The following ARB2A variants were observed in gnomAD, a reference collection of about 807,000 sequenced individuals.
ARB2A encodes cotranscriptional regulator ARB2A.
At chr5:93,956,215 T>C in the ARB2A span, among the ~76,000 whole-genome samples, 10 of 152,200 alleles carry the variant, frequency 6.6e-5, no homozygotes, top group Non-Finnish European at 1.5e-4. Context: ...AGAATACCTA[T>C]GATTTTCAAA....
chr5:93,628,347 C>G, the ARB2A span, among the ~76,000 whole-genome samples: 10 of 152,102 alleles, frequency 6.6e-5, no homozygotes, highest in African/African-American at 2.2e-4. Flanking sequence ...CAGTGCCCAG[C>G]CGATGCAGCA....
chr5:93,813,249 T>C, the ARB2A span, among the ~76,000 whole-genome samples: 3 of 152,148 alleles, frequency 2.0e-5, no homozygotes, highest in Admixed American at 6.5e-5. Flanking sequence ...GAAAAGGTAA[T>C]CCTTGAGATA....
the ARB2A span, among the ~76,000 whole-genome samples, chr5:93,704,632 G>C: frequency 6.6e-6 from 1 of 152,280 alleles, no homozygotes; most frequent in South Asian, 2.1e-4. Flanking sequence ...TGGCATCACT[G>C]ATTCTCTGCT....
chr5:93,889,908 CA>C, the ARB2A span, among the ~76,000 whole-genome samples: 1 of 151,716 alleles, frequency 6.6e-6, no homozygotes, highest in East Asian at 1.9e-4. Flanking sequence ...TTCAAAGAGA[CA>C]AGATACAGTA....
At chr5:93,852,529 C>T in the ARB2A span, among the ~76,000 whole-genome samples, 2 of 151,910 alleles carry the variant, frequency 1.3e-5, no homozygotes, top group Non-Finnish European at 2.9e-5. Flanking sequence ...AGTCCTTGCC[C>T]ATGCCTATGT....
chr5:93,784,611 G>T, the ARB2A span: 2 of 707,640 alleles, frequency 2.8e-6, no homozygotes, highest in Non-Finnish European at 4.6e-6. Flanking sequence ...AAAGCAATAT[G>T]CATCTCTGGT....
chr5:93,990,680 G>A, the ARB2A span, among the ~76,000 whole-genome samples: 2 of 141,072 alleles, frequency 1.4e-5, no homozygotes, highest in Non-Finnish European at 3.0e-5. Context: ...TTTCAACTCA[G>A]AGTCATAATA....
the ARB2A span, among the ~76,000 whole-genome samples, chr5:93,853,267 T>C: frequency 1.3e-5 from 2 of 152,192 alleles, no homozygotes; most frequent in African/African-American, 4.8e-5. Context: ...TTGTCTGTTA[T>C]TGGTGTATAA....
the ARB2A span, among the ~76,000 whole-genome samples, chr5:93,661,536 C>CAG: frequency 6.6e-6 from 1 of 152,018 alleles, no homozygotes; most frequent in Admixed American, 6.5e-5. Flanking sequence ...ATAGCCTATT[C>CAG]AGAGAGTCAT....
the ARB2A span, among the ~76,000 whole-genome samples, chr5:93,804,030 T>A: frequency 1.3e-5 from 2 of 152,016 alleles, no homozygotes; most frequent in African/African-American, 4.8e-5. Flanking sequence ...ATTACCAGCA[T>A]GAACATACCC....
the ARB2A span, among the ~76,000 whole-genome samples, chr5:93,779,122 T>TGCGC: frequency 2.7e-5 from 4 of 147,268 alleles, no homozygotes; most frequent in African/African-American, 1.0e-4. Flanking sequence ...TGTGTGTGTG[T>TGCGC]GTGCGCGCGC....
the ARB2A span, among the ~76,000 whole-genome samples, chr5:94,034,787 T>C: frequency 1.3e-5 from 2 of 152,160 alleles, no homozygotes; most frequent in Non-Finnish European, 2.9e-5. Flanking sequence ...CCAGTGCTGA[T>C]TGGTGGCCTG....
chr5:93,665,747 T>C, the ARB2A span, among the ~76,000 whole-genome samples: 1 of 152,280 alleles, frequency 6.6e-6, no homozygotes, highest in East Asian at 1.9e-4. Flanking sequence ...GTGACAACAA[T>C]TCTAACGCTG....
the ARB2A span, among the ~76,000 whole-genome samples, chr5:93,878,412 A>G: frequency 6.6e-6 from 1 of 151,862 alleles, no homozygotes; most frequent in Non-Finnish European, 1.5e-5. Flanking sequence ...ACCTTTGAAA[A>G]ATTACTCAAA....
the ARB2A span, among the ~76,000 whole-genome samples, chr5:93,716,028 C>A: frequency 7.9e-5 from 12 of 152,150 alleles, no homozygotes; most frequent in Admixed American, 3.9e-4. Flanking sequence ...ACCATGGGAA[C>A]CCTCTCTGCT....
chr5:93,624,788 G>A, the ARB2A span, among the ~76,000 whole-genome samples: 10 of 152,156 alleles, frequency 6.6e-5, no homozygotes, highest in African/African-American at 2.4e-4. Flanking sequence ...GAATTGTTCT[G>A]CATCCCACAT....
chr5:93,944,622 G>A, the ARB2A span, among the ~76,000 whole-genome samples: 1 of 151,504 alleles, frequency 6.6e-6, no homozygotes, highest in African/African-American at 2.4e-5. Context: ...GGAGGGGAGG[G>A]GAGGGGTGAG....
At chr5:94,000,983 T>G in the ARB2A span, among the ~76,000 whole-genome samples, 73 of 152,122 alleles carry the variant, frequency 4.8e-4, no homozygotes, top group African/African-American at 1.7e-3. Flanking sequence ...ATCTCTGGGC[T>G]TTCTATTCTA....
the ARB2A span, among the ~76,000 whole-genome samples, chr5:93,950,118 G>A: frequency 6.6e-6 from 1 of 152,096 alleles, no homozygotes; most frequent in Non-Finnish European, 1.5e-5. Flanking sequence ...ATCTGCTGAT[G>A]GACACTTAGG....
Sources: gnomAD v4.1 joint callset for allele counts (sites outside exome capture counted in the v4.1 genomes callset) on GRCh38, gnomAD v4.1.1 for gene constraint, MANE v1.5 for transcripts, NCBI Gene and HGNC (gene_info 2026-07-23, HGNC 2026-07-21) for gene names.